The following WDR70 variants were observed in gnomAD, a reference collection of about 807,000 sequenced individuals.
WDR70 encodes WD repeat-containing protein 70.
In WDR70, 53 loss-of-function variants were observed where a neutral mutation model predicts 88.6. The ratio of observed to expected loss-of-function variants is 0.60; its 90% CI spans 0.48 to 0.75. The LOEUF (loss-of-function observed/expected upper bound fraction) is 0.75. Ranked by LOEUF, WDR70 falls within the 30% of genes least tolerant of loss-of-function variation. The pLI is 0.00. For synonymous variants in WDR70, 280 were observed against 270.0 expected (o/e 1.04, Z -0.36); for missense variants, 610 against 823.2 (o/e 0.74, Z 3.17).
intron 5 of WDR70, among the ~76,000 whole-genome samples, chr5:37,402,336 T>G (rs1749223101): frequency 7.6e-6 from 1 of 132,130 alleles, no homozygotes; most frequent in African/African-American, 2.6e-5. Context: ...TGTTTTAAAT[T>G]TTTAAATCCA....
chr5:37,553,623 G>A (rs1742210401), intron 9 of WDR70, among the ~76,000 whole-genome samples: 1 of 152,192 alleles, frequency 6.6e-6, no homozygotes, highest in Admixed American at 6.5e-5. Context: ...TATCTTCTAT[G>A]TGCAAATCAC....
rs1339343926 is a variant in WDR70 at position 37,697,723 on chromosome 5, C to G, written c.1161C>G (p.Ser387=). 1.9e-6 allele frequency: 3 copies of G among 1,613,602 alleles called. No individual in the cohort carries two copies. Among genetic ancestry groups the G allele is most frequent in the South Asian group, 1.1e-5 (1 of 91,070 alleles). The change falls in exon 11 of 18, where the codon TCC becomes TCG. Residue 387 remains serine, a synonymous_variant. Coordinates refer to ENST00000265107, the MANE Select transcript of WDR70 (RefSeq NM_018034.4). ...SGTDTSCVTF[S]YDGNVLASRG... is the part of the protein sequence containing the mutation. Reference sequence around the variant, plus strand: ...CAGACACTTCTTGCGTGACTTTTTCCTATGATGGTAATGTCCTTGCCTCTC... The same window carrying G: ...CAGACACTTCTTGCGTGACTTTTTCGTATGATGGTAATGTCCTTGCCTCTC...
At chr5:37,443,848 C>T (rs1738361078) in intron 7 of WDR70, among the ~76,000 whole-genome samples, 1 of 151,092 alleles carries the variant, frequency 6.6e-6, no homozygotes, top group Non-Finnish European at 1.5e-5. Context: ...GAGACTCCAT[C>T]TCAAAAAAAA....
intron 7 of WDR70, among the ~76,000 whole-genome samples, chr5:37,464,509 G>A (rs1435402985): frequency 6.6e-6 from 1 of 152,158 alleles, no homozygotes; most frequent in Non-Finnish European, 1.5e-5. Context: ...AATGAGGATT[G>A]GCTAGTAAAA....
In WDR70 at chr5:37,552,519, G is replaced by C. The variant is rs114973285; in HGVS notation, c.917+35929G>C. The stretch of plus-strand genomic sequence containing the variant: ...CATTAGGAAGGACTTTGATTAGCAA[G>C]AGGAGTGAAAGCAGTGGATAGCATA... On this transcript the variant is annotated intron_variant, in intron 9 of 17. Transcript: ENST00000265107. Among the ~76,000 whole-genome samples the C allele has an allele frequency of 3.5e-3, 529 of 152,322 alleles. 3 individuals carry two copies. Among genetic ancestry groups the C allele is most frequent in the African/African-American group, 0.012 (505 of 41,576 alleles).
At chr5:37,487,700 A>G (rs1739928465) in intron 8 of WDR70, among the ~76,000 whole-genome samples, 1 of 144,782 alleles carries the variant, frequency 6.9e-6, no homozygotes, top group Non-Finnish European at 1.5e-5. Flanking sequence ...ATCTCAGCTC[A>G]CTGCAATCTC....
intron 10 of WDR70, among the ~76,000 whole-genome samples, chr5:37,669,825 ATAT>A (rs1423388402): frequency 6.6e-6 from 1 of 152,234 alleles, no homozygotes; most frequent in Non-Finnish European, 1.5e-5. Flanking sequence ...ATACAGTGAA[ATAT>A]TATTTGGCAA....
At chr5:37,557,637 GA>G (rs918688642) in intron 9 of WDR70, among the ~76,000 whole-genome samples, 1 of 152,028 alleles carries the variant, frequency 6.6e-6, no homozygotes, top group African/African-American at 2.4e-5. Flanking sequence ...AGGTACTATA[GA>G]CTTAGTGGTA....
At chr5:37,499,709 G>A (rs1187995183) in intron 8 of WDR70, among the ~76,000 whole-genome samples, 4 of 149,196 alleles carry the variant, frequency 2.7e-5, no homozygotes, top group African/African-American at 5.0e-5. Context: ...GCACACCACC[G>A]CTCCTGGCTA....
intron 9 of WDR70, among the ~76,000 whole-genome samples, chr5:37,593,370 A>C (rs529648879): frequency 6.6e-6 from 1 of 152,022 alleles, no homozygotes; most frequent in Non-Finnish European, 1.5e-5. Flanking sequence ...TCATTGTTCA[A>C]TTCCCACCTA....
intron 10 of WDR70, among the ~76,000 whole-genome samples, chr5:37,645,189 T>A (rs2112549166): frequency 6.6e-6 from 1 of 152,066 alleles, no homozygotes; most frequent in South Asian, 2.1e-4. Context: ...TACCATTTTT[T>A]TTTTTCAAGA....
chr5:37,505,460 C>T (rs988605211), intron 8 of WDR70, among the ~76,000 whole-genome samples: 1 of 152,046 alleles, frequency 6.6e-6, no homozygotes, highest in African/African-American at 2.4e-5. Context: ...GCAGCAATAT[C>T]TAGTTTCCGT....
intron 7 of WDR70, among the ~76,000 whole-genome samples, chr5:37,448,592 A>G (rs1738571312): frequency 6.6e-6 from 1 of 152,358 alleles, no homozygotes; most frequent in African/African-American, 2.4e-5. Context: ...TTAAATTTAT[A>G]GATAAGCTAC....
intron 8 of WDR70, among the ~76,000 whole-genome samples, chr5:37,509,789 C>CT (rs772468754): frequency 4.6e-5 from 6 of 129,154 alleles, no homozygotes; most frequent in African/African-American, 1.5e-4. Flanking sequence ...CCTATAGATT[C>CT]TTTTTTTTTT....
chr5:37,748,492 T>C (rs1581547201), intron 17 of WDR70, among the ~76,000 whole-genome samples: 1 of 152,066 alleles, frequency 6.6e-6, no homozygotes, highest in East Asian at 1.9e-4. Context: ...AAATGTAAAA[T>C]TCCAAACCAT....
chr5:37,690,450 A>C (rs1581499878), intron 10 of WDR70, among the ~76,000 whole-genome samples: 1 of 152,366 alleles, frequency 6.6e-6, no homozygotes, highest in East Asian at 1.9e-4. Flanking sequence ...TGTTAAGGGC[A>C]GCAAGAAAGA....
chr5:37,720,531 C>A (rs1168236733), intron 13 of WDR70, among the ~76,000 whole-genome samples: 1 of 152,166 alleles, frequency 6.6e-6, no homozygotes, highest in African/African-American at 2.4e-5. Context: ...AACAGCTTTT[C>A]ATTTAGGTTA....
In WDR70 at chr5:37,657,197, G is replaced by C. The variant is rs927973015; in HGVS notation, c.1093-40458G>C. On this transcript the variant is annotated intron_variant, in intron 10 of 17. Transcript: ENST00000265107. ...GGAAAAGCATAGTATCTGGGCTGGA[G>C]TGTACCATTCCTCACAGCAGGGTCC... Among the ~76,000 whole-genome samples the C allele has an allele frequency of 3.3e-5, 5 of 152,178 alleles. 1 individual carries two copies. The South Asian group carries it at 6.2e-4, about 19-fold the overall frequency.
chr5:37,707,934 A>G (rs1581515977), intron 13 of WDR70, among the ~76,000 whole-genome samples: 1 of 31,182 alleles, frequency 3.2e-5, no homozygotes, highest in Non-Finnish European at 6.1e-5. Flanking sequence ...AAAAAAAAAA[A>G]AAAAAAAAAA....
Sources: allele counts gnomAD v4.1 joint callset (sites outside exome capture counted in the v4.1 genomes callset), GRCh38; gene constraint gnomAD v4.1.1; transcripts MANE v1.5; gene names NCBI Gene and HGNC (gene_info 2026-07-23, HGNC 2026-07-21).